P2RY8: variants seen among roughly 807,000 people sequenced by gnomAD.
P2RY8 encodes P2Y receptor family member 8, also known as S-geranylgeranyl-glutathione receptor P2RY8.
In P2RY8, 6 loss-of-function variants were observed where a neutral mutation model predicts 10.0. That is an observed-to-expected ratio of 0.60 (90% CI 0.33 to 1.19). The LOEUF is 1.19. Ranked by LOEUF, P2RY8 falls within the 50% of genes most tolerant of loss-of-function variation. The pLI is 0.04. For synonymous variants in P2RY8, 276 were observed against 252.5 expected, an observed-to-expected ratio of 1.09 and a Z score of -0.88; for missense variants, 456 against 542.0, an observed-to-expected ratio of 0.84 and a Z score of 1.58.
At chrX:1,480,349 C>T (rs2091920381) in intron 1 of P2RY8, among the ~76,000 whole-genome samples, 1 of 150,630 alleles carries the variant, frequency 6.6e-6, no homozygotes, top group South Asian at 2.1e-4. Flanking sequence ...CTGAGCTGGA[C>T]TGCAGTGGCA....
chrX:1,474,078 G>A (rs1270601352), intron 1 of P2RY8, among the ~76,000 whole-genome samples: 2 of 151,340 alleles, frequency 1.3e-5, no homozygotes, highest in African/African-American at 4.9e-5. Flanking sequence ...GGGTAGGTGG[G>A]TGAATGGGTG....
chrX:1,535,716 G>GACACACAGAC (rs1556688266), intron 1 of P2RY8, among the ~76,000 whole-genome samples: 69 of 146,308 alleles, frequency 4.7e-4, no homozygotes, highest in African/African-American at 1.5e-3. Flanking sequence ...CACACACACA[G>GACACACAGAC]ACACACACAC....
intron 1 of P2RY8, among the ~76,000 whole-genome samples, chrX:1,518,860 C>G (rs759971290): frequency 6.6e-6 from 1 of 152,240 alleles, no homozygotes; most frequent in South Asian, 2.1e-4. Context: ...ATTTCCAATA[C>G]TTCCATTAAG....
At chrX:1,471,070 T>C (rs1311779436) in intron 1 of P2RY8, among the ~76,000 whole-genome samples, 3 of 150,994 alleles carry the variant, frequency 2.0e-5, no homozygotes, top group African/African-American at 4.9e-5. Context: ...TGCAATGGTG[T>C]GATCTCGGCT....
chrX:1,498,384 C>T (rs188227931), intron 1 of P2RY8, among the ~76,000 whole-genome samples: 2,751 of 119,488 alleles, frequency 0.023, 46 homozygotes, highest in Middle Eastern at 0.062. Context: ...CCAGCCTGGG[C>T]GACAGAGCGA....
chrX:1,464,528 TG>T lies in P2RY8; in HGVS notation c.*950del, dbSNP rs1197743398. The T allele has an allele frequency of 8.6e-6, 2 of 233,308 alleles. No homozygotes were observed. The highest frequency in any genetic ancestry group is 2.2e-5 in the African/African-American group (1 of 45,326). The allele number at this position is 233,308 out of a possible 1,614,324, so 14.5% of individuals were successfully genotyped here. On this transcript the variant is annotated 3_prime_UTR_variant, in exon 2 of 2. Coordinates refer to ENST00000381297, the MANE Select transcript of P2RY8 (RefSeq NM_178129.5). Reference sequence around the variant, plus strand: ...CCATGGGGTAAAAGGACGCGGAGAATGGGCAGGAGGTGGGGAACTCCCGAAT... The same window carrying T: ...CCATGGGGTAAAAGGACGCGGAGAATGGCAGGAGGTGGGGAACTCCCGAAT...
At chrX:1,527,349 C>T (rs2092445988) in intron 1 of P2RY8, among the ~76,000 whole-genome samples, 1 of 151,908 alleles carries the variant, frequency 6.6e-6, no homozygotes, top group Non-Finnish European at 1.5e-5. Flanking sequence ...TTTATCCATC[C>T]ACTTATCCAT....
chrX:1,518,485 AAAT>A (rs1716545965), intron 1 of P2RY8, among the ~76,000 whole-genome samples: 1 of 149,778 alleles, frequency 6.7e-6, no homozygotes, highest in African/African-American at 2.4e-5. Context: ...ATATAATAAA[AAAT>A]AATAATCTCT....
intron 1 of P2RY8, among the ~76,000 whole-genome samples, chrX:1,508,874 C>T (rs56280098): frequency 7.2e-6 from 1 of 139,140 alleles, no homozygotes; most frequent in Non-Finnish European, 1.6e-5. Flanking sequence ...TCCATCCATC[C>T]ATCCATCTAT....
chrX:1,504,044 G>A (rs1307307887), intron 1 of P2RY8, among the ~76,000 whole-genome samples: 7 of 152,166 alleles, frequency 4.6e-5, no homozygotes, highest in Admixed American at 2.0e-4. Flanking sequence ...TCTGCTGGAC[G>A]TGGTGGCTCA....
At chrX:1,528,357 T>C (rs1425687907) in intron 1 of P2RY8, among the ~76,000 whole-genome samples, 1 of 152,234 alleles carries the variant, frequency 6.6e-6, no homozygotes, top group African/African-American at 2.4e-5. Context: ...GGCTCCTTGC[T>C]GGAGAGTGGG....
chrX:1,466,628 A>G, intron 1 of P2RY8, 46 bp from the exon 2 acceptor site: 1 of 1,518,172 alleles, frequency 6.6e-7, no homozygotes. Context: ...GGCGCAGGTA[A>G]AGAGGCGGCT....
chrX:1,526,409 T>C (rs1603458619), intron 1 of P2RY8, among the ~76,000 whole-genome samples: 1 of 151,788 alleles, frequency 6.6e-6, no homozygotes, highest in Non-Finnish European at 1.5e-5. Context: ...ATTCATTTAT[T>C]CATGCATCCA....
intron 1 of P2RY8, among the ~76,000 whole-genome samples, chrX:1,484,161 T>C (rs1412833693): frequency 3.3e-5 from 5 of 151,786 alleles, no homozygotes; most frequent in South Asian, 2.1e-4. Flanking sequence ...CACAAAGGAG[T>C]GTGTTTTTCT....
intron 1 of P2RY8, among the ~76,000 whole-genome samples, chrX:1,507,905 G>A (rs750004039): frequency 2.0e-5 from 3 of 152,214 alleles, no homozygotes; most frequent in East Asian, 1.9e-4. Context: ...AGCCAGCCCC[G>A]TCTGGCACTC....
At chrX:1,502,213 A>C (rs2092188170) in intron 1 of P2RY8, among the ~76,000 whole-genome samples, 1 of 152,002 alleles carries the variant, frequency 6.6e-6, no homozygotes. Flanking sequence ...GCCTGGCCTC[A>C]TTTTTCTATT....
At chrX:1,466,751 C>G (rs1272476738) in intron 1 of P2RY8, among the ~76,000 whole-genome samples, 169 bp from the exon 2 acceptor site, 2 of 132,714 alleles carry the variant, frequency 1.5e-5, no homozygotes, top group African/African-American at 5.3e-5. Flanking sequence ...TCCCTCTCCT[C>G]CTTCCTTCCC....
intron 1 of P2RY8, among the ~76,000 whole-genome samples, chrX:1,491,876 A>G (rs2092055465): frequency 6.6e-6 from 1 of 152,074 alleles, no homozygotes; most frequent in Non-Finnish European, 1.5e-5. Flanking sequence ...TGAGTAAATG[A>G]ATGAATGCAT....
rs1177071960 is a variant in P2RY8, at chrX:1,465,029, C to G, written c.*450G>C. The G allele has an allele frequency of 2.3e-5, 6 of 257,360 alleles. No individual in the cohort carries two copies. The Admixed American group carries it at 2.4e-4, about 10-fold the overall frequency. 15.9% of individuals were successfully genotyped at this position (257,360 alleles called of 1,614,324 possible). On this transcript the variant is annotated 3_prime_UTR_variant, in exon 2 of 2. Transcript: ENST00000381297. Reference sequence around the variant, plus strand: ...GCTGGGAATGGGGCTCGCAGTTCGCCCACGGAGGATATCCAGAAACCGAGT... The same window carrying G: ...GCTGGGAATGGGGCTCGCAGTTCGCGCACGGAGGATATCCAGAAACCGAGT...
Sources: gnomAD v4.1 joint callset for allele counts (sites outside exome capture counted in the v4.1 genomes callset) on GRCh38, gnomAD v4.1.1 for gene constraint, MANE v1.5 for transcripts, NCBI Gene and HGNC (gene_info 2026-07-23, HGNC 2026-07-21) for gene names.